ZSCAN21: variants seen among roughly 807,000 people sequenced by gnomAD.
The protein encoded by ZSCAN21 is zinc finger and SCAN domain containing 21.
Under a neutral mutation model 35.6 loss-of-function variants are expected in ZSCAN21, and 26 were observed. That is an observed-to-expected ratio of 0.73 (90% CI 0.54 to 1.01). The LOEUF is 1.01. Ranked by LOEUF, ZSCAN21 falls within the 50% of genes least tolerant of loss-of-function variation. The pLI, the probability that ZSCAN21 is intolerant of heterozygous loss-of-function variation, is 0.00. For missense variants in ZSCAN21, 593 were observed against 587.1 expected (o/e 1.01, Z -0.10); for synonymous variants, 219 against 219.3 (o/e 1.00, Z 0.01).
At chr7:100,059,551 CTTTTTT>C (rs11342747) in intron 3 of ZSCAN21, among the ~76,000 whole-genome samples, 1 of 83,272 alleles carries the variant, frequency 1.2e-5, no homozygotes. Flanking sequence ...TGCATAAAGT[CTTTTTT>C]TTTTTTTTTT....
chr7:100,061,770 G>A (rs1032368233), intron 3 of ZSCAN21, among the ~76,000 whole-genome samples: 1 of 152,148 alleles, frequency 6.6e-6, no homozygotes, highest in Non-Finnish European at 1.5e-5. Context: ...CTGTCAGGGC[G>A]GTTCCTAGGG....
chr7:100,054,952 T>G (rs1281554101), intron 1 of ZSCAN21, among the ~76,000 whole-genome samples: 2 of 131,078 alleles, frequency 1.5e-5, no homozygotes, highest in Non-Finnish European at 3.2e-5. Flanking sequence ...CTACTTATGA[T>G]CTCTCTTTTT....
In ZSCAN21 at chr7:100,064,907, T is replaced by C. The variant is rs1792565732; in HGVS notation, c.*290T>C. The C allele has an allele frequency of 1.2e-6, 2 of 1,613,814 alleles. No homozygotes were observed. On this transcript the variant is annotated 3_prime_UTR_variant, in exon 4 of 4. Transcript: ENST00000292450. ...TTTTGCGTAGTTAAACAGACGTGTATCCAGTCTAGTTAAGGAAGAAACATT... is the reference window on the plus strand; with the variant it reads ...TTTTGCGTAGTTAAACAGACGTGTACCCAGTCTAGTTAAGGAAGAAACATT...
At chr7:100,055,642 CTT>C (rs1216402688) in intron 1 of ZSCAN21, among the ~76,000 whole-genome samples, 26 of 121,354 alleles carry the variant, frequency 2.1e-4, no homozygotes, top group Non-Finnish European at 1.8e-4. Flanking sequence ...GTGAATTTTC[CTT>C]TTTTTTTTTT....
chr7:100,059,124 C>A (rs901685102), intron 3 of ZSCAN21, among the ~76,000 whole-genome samples: 1 of 152,194 alleles, frequency 6.6e-6, no homozygotes, highest in Non-Finnish European at 1.5e-5. Context: ...GATTTCATGA[C>A]AAGAGTCCAT....
rs776132692 is a variant in ZSCAN21 at position 100,057,851 on chromosome 7, G to GA, written c.554dup (p.Glu186GlyfsTer26). The GA allele has an allele frequency of 8.7e-6, 14 of 1,612,428 alleles. No homozygotes were observed. The highest frequency in any genetic ancestry group is 4.0e-5 in the African/African-American group (3 of 74,816). On this transcript the variant is annotated frameshift_variant, in exon 3 of 4. Transcript: ENST00000292450. LOFTEE classifies it high-confidence loss of function. ...GCCCCTGTACATCCAAGAGTCTGGT[G>GA]AGGAGCAGGAGTTCGCTCAAGATCC...
At position 100,064,366 on chromosome 7, in the gene ZSCAN21, A is replaced by C. The variant is rs778963749; in HGVS notation, c.1171A>C (p.Asn391His). ...CACTGGGGAGAAGCCTTATCAGTGT[A>C]ACGAATGTGGGAAGAGCTTCAGTCA... ...IHTGEKPYQC[N>H]ECGKSFSQHA... The change falls in exon 4 of 4, where the codon AAC (asparagine) becomes CAC (histidine). Residue 391 changes from asparagine to histidine, a missense_variant. Transcript: ENST00000292450. 6.2e-7 allele frequency: 1 copy of C among 1,614,134 alleles called. No homozygotes were observed. Among genetic ancestry groups the C allele is most frequent in the South Asian group, 1.1e-5 (1 of 91,068 alleles).
intron 1 of ZSCAN21, among the ~76,000 whole-genome samples, chr7:100,050,591 A>G (rs980817053): frequency 6.6e-6 from 1 of 152,012 alleles, no homozygotes; most frequent in Non-Finnish European, 1.5e-5. Context: ...CCAGCTACTC[A>G]GGAGGCTGAG....
chr7:100,056,430 G>A (rs1002594911), intron 1 of ZSCAN21, among the ~76,000 whole-genome samples: 1 of 151,922 alleles, frequency 6.6e-6, no homozygotes, highest in South Asian at 2.1e-4. Context: ...GGAGACCACT[G>A]AAATCAAAGT....
chr7:100,054,886 C>T (rs1375896032), intron 1 of ZSCAN21, among the ~76,000 whole-genome samples: 1 of 143,422 alleles, frequency 7.0e-6, no homozygotes, highest in Non-Finnish European at 1.5e-5. Flanking sequence ...AATTTCATAA[C>T]TATGAACCGT....
At chr7:100,054,318 C>T (rs897398647) in intron 1 of ZSCAN21, among the ~76,000 whole-genome samples, 2 of 151,482 alleles carry the variant, frequency 1.3e-5, no homozygotes, top group African/African-American at 4.9e-5. Flanking sequence ...GGCACAATCT[C>T]GGCTCACTGC....
At position 100,064,955 on chromosome 7, in the gene ZSCAN21, A is replaced by G; in HGVS notation, c.*338A>G. The G allele has an allele frequency of 6.2e-7, 1 of 1,605,164 alleles. No homozygotes were observed. Among genetic ancestry groups the G allele is most frequent in the Non-Finnish European group, 8.5e-7 (1 of 1,174,468 alleles). ...ATTAAGATTGTTTAATTTTTAACAT[A>G]TATTCAAGAATTTTAATTTGTAAAG... On this transcript the variant is annotated 3_prime_UTR_variant, in exon 4 of 4. Transcript: ENST00000292450.
intron 1 of ZSCAN21, among the ~76,000 whole-genome samples, chr7:100,052,782 C>G (rs1303466361): frequency 1.1e-5 from 1 of 87,060 alleles, no homozygotes; most frequent in Admixed American, 1.0e-4. Flanking sequence ...GCACCCGGCC[C>G]TCTACTCGTT....
rs1358691403 is a variant in ZSCAN21, at chr7:100,057,151, A to T, written c.145A>T (p.Arg49Trp). The T allele has an allele frequency of 1.2e-6, 2 of 1,614,044 alleles. No individual in the cohort carries two copies. Among genetic ancestry groups the T allele is most frequent in the Non-Finnish European group, 1.7e-6 (2 of 1,180,020 alleles). ...CCTGGAGATGTTCCGCCAGCGCTTCAGGCAGTTTGGGTACCATGATACCCC... is the reference window on the plus strand; with the variant it reads ...CCTGGAGATGTTCCGCCAGCGCTTCTGGCAGTTTGGGTACCATGATACCCC... ...PSLEMFRQRF[R>W]QFGYHDTPGP... The change falls in exon 2 of 4, where the codon AGG becomes TGG. Residue 49 changes from arginine to tryptophan, a missense_variant. Physicochemically the swap from Arg to Trp is moderately radical, Grantham distance 101 (BLOSUM62 -3). Coordinates refer to ENST00000292450, the MANE Select transcript of ZSCAN21 (RefSeq NM_145914.3).
Position 100,063,959 on chromosome 7 carries a change from A to G in ZSCAN21, c.764A>G (p.Gln255Arg). The G allele has an allele frequency of 1.2e-6, 2 of 1,614,190 alleles. No homozygotes were observed. Among genetic ancestry groups the G allele is most frequent in the Non-Finnish European group, 1.7e-6 (2 of 1,180,014 alleles). ...ENEKGTKPPLQEAGSKKGRES... is the reference protein window; with the variant it reads ...ENEKGTKPPLREAGSKKGRES... ...GAAAAAGGAACAAAACCCCCTCTTC[A>G]AGAGGCAGGCTCCAAGAAAGGTAGA... The change falls in exon 4 of 4, where the codon CAA (glutamine) becomes CGA (arginine). Residue 255 changes from glutamine (Q) to arginine (R), a missense_variant. Gln to Arg is a conservative substitution (Grantham distance 43, BLOSUM62 1). Transcript: ENST00000292450.
Position 100,064,364 on chromosome 7 carries a change from G to GT in ZSCAN21, c.1170dup (p.Asn391Ter). On this transcript the variant is annotated frameshift_variant, in exon 4 of 4. Transcript: ENST00000292450. LOFTEE classifies it high-confidence loss of function. ...CACACTGGGGAGAAGCCTTATCAGTGTAACGAATGTGGGAAGAGCTTCAGT... is the reference window on the plus strand; with the variant it reads ...CACACTGGGGAGAAGCCTTATCAGTGTTAACGAATGTGGGAAGAGCTTCAGT... The GT allele has an allele frequency of 6.2e-7, 1 of 1,614,156 alleles. No individual in the cohort carries two copies. Among genetic ancestry groups the GT allele is most frequent in the Non-Finnish European group, 8.5e-7 (1 of 1,180,032 alleles).
intron 3 of ZSCAN21, among the ~76,000 whole-genome samples, chr7:100,059,835 G>T (rs1342903210): frequency 6.6e-6 from 1 of 152,094 alleles, no homozygotes; most frequent in Non-Finnish European, 1.5e-5. Context: ...TCAGCCTCCC[G>T]AGTAGCTGGG....
At chr7:100,055,828 GA>G (rs1223796786) in intron 1 of ZSCAN21, among the ~76,000 whole-genome samples, 3 of 151,002 alleles carry the variant, frequency 2.0e-5, no homozygotes, top group African/African-American at 7.3e-5. Flanking sequence ...ATTTTTAGTA[GA>G]AACAGGGTTT....
chr7:100,064,615 T>C lies in ZSCAN21; in HGVS notation c.1420T>C (p.Ter474GlnextTer16). The C allele has an allele frequency of 6.2e-7, 1 of 1,612,530 alleles. No individual in the cohort carries two copies. ...RVHTGEGEAP* is the reference protein window; with the variant it reads ...RVHTGEGEAPQ ...CCACACTGGAGAGGGAGAAGCACCG[T>C]AACTTTCAAGCGCTCCTGTTGTTGT... The change falls in exon 4 of 4, where the codon TAA becomes CAA. Residue 474 changes from the stop codon to glutamine (Q), a stop_lost. Transcript: ENST00000292450.
Sources: gnomAD v4.1 joint callset for allele counts (sites outside exome capture counted in the v4.1 genomes callset) on GRCh38, gnomAD v4.1.1 for gene constraint, MANE v1.5 for transcripts, NCBI Gene and HGNC (gene_info 2026-07-23, HGNC 2026-07-21) for gene names.